FAT3: variants seen among roughly 807,000 people sequenced by gnomAD.
The protein encoded by FAT3 is protocadherin Fat 3.
Under a neutral mutation model 310.2 loss-of-function variants are expected in FAT3, and 95 were observed. The ratio of observed to expected loss-of-function variants is 0.31; its 90% CI spans 0.26 to 0.36. The LOEUF is 0.36. Among genes scored for constraint, FAT3 ranks in the 10% least tolerant of loss-of-function variants. The pLI is 1.00. For missense variants in FAT3, 5,408 were observed against 5,715.6 expected, an observed-to-expected ratio of 0.95 and a Z score of 1.74; for synonymous variants, 2,314 against 2,192.9, an observed-to-expected ratio of 1.06 and a Z score of -1.54.
At chr11:92,332,559 C>G (rs1157704330) in intron 1 of FAT3, among the ~76,000 whole-genome samples, 1 of 152,028 alleles carries the variant, frequency 6.6e-6, no homozygotes, top group Non-Finnish European at 1.5e-5. Context: ...TAGTGATAAG[C>G]AGAAGAGAGG....
At chr11:92,396,656 G>A (rs770405109) in intron 2 of FAT3, among the ~76,000 whole-genome samples, 6 of 152,120 alleles carry the variant, frequency 3.9e-5, no homozygotes, top group African/African-American at 7.2e-5. Flanking sequence ...TCATCATACC[G>A]TTCTTAGTAA....
intron 3 of FAT3, among the ~76,000 whole-genome samples, chr11:92,688,883 G>A (rs1457855886): frequency 6.6e-6 from 1 of 152,128 alleles, no homozygotes; most frequent in East Asian, 1.9e-4. Flanking sequence ...TATACTGTAA[G>A]CCTCAATTTC....
intron 3 of FAT3, among the ~76,000 whole-genome samples, chr11:92,576,803 T>A (rs889662951): frequency 6.6e-6 from 1 of 152,154 alleles, no homozygotes; most frequent in Non-Finnish European, 1.5e-5. Context: ...ATTTGCTTTT[T>A]ATAACTACAA....
At chr11:92,704,387 AGTAACTGCAAAGCAC>A (rs1259914818) in intron 4 of FAT3, among the ~76,000 whole-genome samples, 1 of 152,200 alleles carries the variant, frequency 6.6e-6, no homozygotes, top group Non-Finnish European at 1.5e-5. Context: ...TCAGCAGAGG[AGTAACTGCAAAGCAC>A]GTATTATGGG....
intron 1 of FAT3, among the ~76,000 whole-genome samples, chr11:92,348,086 A>G (rs1177208869): frequency 6.6e-6 from 1 of 152,000 alleles, no homozygotes; most frequent in East Asian, 1.9e-4. Context: ...TTATTTCCTA[A>G]TCAGTGGGAA....
chr11:92,494,471 A>G (rs902221429), intron 2 of FAT3, among the ~76,000 whole-genome samples: 3 of 152,074 alleles, frequency 2.0e-5, no homozygotes, highest in Non-Finnish European at 4.4e-5. Context: ...GTCTGAGTAC[A>G]CTGTAGCTTC....
At chr11:92,445,455 C>T (rs1337916927) in intron 2 of FAT3, among the ~76,000 whole-genome samples, 1 of 151,906 alleles carries the variant, frequency 6.6e-6, no homozygotes, top group Non-Finnish European at 1.5e-5. Flanking sequence ...TGGTTCCTTT[C>T]AAGGAGGGGA....
chr11:92,565,779 A>G (rs1397653917), intron 3 of FAT3, among the ~76,000 whole-genome samples: 2 of 152,200 alleles, frequency 1.3e-5, no homozygotes, highest in Non-Finnish European at 2.9e-5. Flanking sequence ...AGAGCCAAAG[A>G]CAAAAACCAC....
chr11:92,798,684 A>C lies in FAT3; in HGVS notation c.5671A>C (p.Ile1891Leu). 3 of 1,613,718 alleles carry C rather than the reference A, an allele frequency of 1.9e-6. No homozygotes were observed. Among genetic ancestry groups the C allele is most frequent in the South Asian group, 2.2e-5 (2 of 91,032 alleles). The change falls in exon 10 of 28, where the codon ATC becomes CTC. Residue 1891 changes from isoleucine (I) to leucine (L), a missense_variant. Physicochemically the swap from Ile to Leu is conservative, Grantham distance 5 (BLOSUM62 2). Transcript: ENST00000525166. ...PVFTQAVFET[I>L]LLLPTYVGVE... ...TTTTACTCAGGCTGTGTTTGAGACTATCTTACTTCTACCTACCTATGTTGG... is the reference window on the plus strand; with the variant it reads ...TTTTACTCAGGCTGTGTTTGAGACTCTCTTACTTCTACCTACCTATGTTGG...
At chr11:92,817,927 A>G (rs539693067) in intron 13 of FAT3, among the ~76,000 whole-genome samples, 18 of 152,334 alleles carry the variant, frequency 1.2e-4, no homozygotes, top group African/African-American at 3.8e-4. Context: ...GGAGGTGACA[A>G]AAGTCCACTG....
chr11:92,663,934 A>ACCCT (rs1355162574), intron 3 of FAT3, among the ~76,000 whole-genome samples: 2 of 152,108 alleles, frequency 1.3e-5, no homozygotes, highest in African/African-American at 4.8e-5. Context: ...AAAGGCTAAA[A>ACCCT]CCCTGCTCCT....
At chr11:92,641,905 A>G (rs568161542) in intron 3 of FAT3, among the ~76,000 whole-genome samples, 3 of 152,390 alleles carry the variant, frequency 2.0e-5, no homozygotes, top group South Asian at 4.1e-4. Flanking sequence ...CTGAAAAAGT[A>G]TATACCAATA....
At chr11:92,246,414 G>A (rs566507993) in intron 1 of FAT3, among the ~76,000 whole-genome samples, 22 of 151,926 alleles carry the variant, frequency 1.4e-4, no homozygotes, top group Admixed American at 3.9e-4. Context: ...GGAGAGGAGG[G>A]ATAATTAAAT....
chr11:92,440,245 T>C (rs1372242255), intron 2 of FAT3, among the ~76,000 whole-genome samples: 2 of 152,008 alleles, frequency 1.3e-5, no homozygotes, highest in African/African-American at 4.8e-5. Flanking sequence ...CTGGAAGCAT[T>C]AGTAGGGGAG....
chr11:92,722,729 T>A (rs1344745253), intron 4 of FAT3, among the ~76,000 whole-genome samples: 1 of 152,144 alleles, frequency 6.6e-6, no homozygotes, highest in Non-Finnish European at 1.5e-5. Flanking sequence ...TTCCCAAACC[T>A]CAATAATTTA....
chr11:92,863,614 A>G (rs1294790671), intron 21 of FAT3, among the ~76,000 whole-genome samples: 2 of 152,194 alleles, frequency 1.3e-5, no homozygotes, highest in Non-Finnish European at 2.9e-5. Flanking sequence ...TCATTTCAGT[A>G]TCGTTGCTAT....
chr11:92,890,158 C>T (rs979205246), intron 27 of FAT3, among the ~76,000 whole-genome samples: 3 of 152,182 alleles, frequency 2.0e-5, no homozygotes, highest in African/African-American at 7.2e-5. Flanking sequence ...AGCATGTTGC[C>T]AGTCTGGCTC....
At chr11:92,504,225 G>C (rs1953033038) in intron 2 of FAT3, among the ~76,000 whole-genome samples, 1 of 152,180 alleles carries the variant, frequency 6.6e-6, no homozygotes, top group African/African-American at 2.4e-5. Flanking sequence ...GAATGAGCCA[G>C]ACTTCTTGGG....
Position 92,501,974 on chromosome 11 carries a change from C to T in FAT3, c.3293-22660C>T, listed in dbSNP as rs150941491. ...TGAGAGGAGCAAAAATGCACGCGCG[C>T]GTGTGTGTGTATTTCCACCTGTCTC... On this transcript the variant is annotated intron_variant, in intron 2 of 27. Transcript: ENST00000525166. 1.1e-3 allele frequency among the ~76,000 whole-genome samples: 169 copies of T among 151,764 alleles called. 1 individual carries two copies. The highest frequency in any genetic ancestry group is 3.7e-3 in the African/African-American group (155 of 41,386).
Sources: gnomAD v4.1 joint callset for allele counts (sites outside exome capture counted in the v4.1 genomes callset) on GRCh38, gnomAD v4.1.1 for gene constraint, MANE v1.5 for transcripts, NCBI Gene and HGNC (gene_info 2026-07-23, HGNC 2026-07-21) for gene names.